Variants in CNTNAP5 observed in about 807,000 individuals in gnomAD.
The protein encoded by CNTNAP5 is contactin-associated protein-like 5.
Under a neutral mutation model 150.2 loss-of-function variants are expected in CNTNAP5, and 72 were observed. That is an observed-to-expected ratio of 0.48 (90% CI 0.40 to 0.58). The LOEUF is 0.58. CNTNAP5 is among the 20% of genes least tolerant of loss of function. The pLI is 0.00. For missense variants in CNTNAP5, 1,636 were observed against 1,626.2 expected, an observed-to-expected ratio of 1.01 and a Z score of -0.10; for synonymous variants, 672 against 619.8, an observed-to-expected ratio of 1.08 and a Z score of -1.25.
intron 6 of CNTNAP5, among the ~76,000 whole-genome samples, chr2:124,461,750 G>A (rs185125590): frequency 9.9e-5 from 15 of 151,508 alleles, no homozygotes; most frequent in Non-Finnish European, 1.5e-4. Flanking sequence ...CCAACTACTC[G>A]GGAGGCTGAG....
At chr2:124,428,009 C>T (rs1558897657) in intron 4 of CNTNAP5, among the ~76,000 whole-genome samples, 1 of 152,182 alleles carries the variant, frequency 6.6e-6, no homozygotes, top group African/African-American at 2.4e-5. Flanking sequence ...TTGGTGACCT[C>T]AATGCTGCTG....
chr2:124,677,912 A>G (rs1465683245), intron 13 of CNTNAP5, among the ~76,000 whole-genome samples: 1 of 151,960 alleles, frequency 6.6e-6, no homozygotes, highest in African/African-American at 2.4e-5. Context: ...AAGGTTTATT[A>G]AGGGAATAAA....
At chr2:124,682,425 C>T (rs1679089462) in intron 13 of CNTNAP5, among the ~76,000 whole-genome samples, 2 of 152,154 alleles carry the variant, frequency 1.3e-5, no homozygotes, top group African/African-American at 4.8e-5. Flanking sequence ...GTCAGGGCAA[C>T]ATGACTTTAA....
At chr2:124,462,726 G>A (rs1482851410) in intron 6 of CNTNAP5, among the ~76,000 whole-genome samples, 2 of 152,178 alleles carry the variant, frequency 1.3e-5, no homozygotes, top group African/African-American at 2.4e-5. Flanking sequence ...TTGTAAGCCT[G>A]AGGCAAGAGT....
intron 13 of CNTNAP5, among the ~76,000 whole-genome samples, chr2:124,665,902 A>C (rs1678691511): frequency 6.8e-6 from 1 of 148,064 alleles, no homozygotes; most frequent in African/African-American, 2.5e-5. Context: ...AAAAAAAATT[A>C]TACATATTTA....
intron 13 of CNTNAP5, among the ~76,000 whole-genome samples, chr2:124,677,545 G>C (rs1211535595): frequency 6.6e-6 from 1 of 152,156 alleles, no homozygotes; most frequent in Non-Finnish European, 1.5e-5. Context: ...GTACTGATTG[G>C]TGTGTTTACA....
At position 124,504,509 on chromosome 2, in the gene CNTNAP5, G is replaced by C. The variant is rs775578771; in HGVS notation, c.1280G>C (p.Arg427Thr). The C allele has an allele frequency of 5.0e-5, 81 of 1,613,714 alleles. No homozygotes were observed. Among genetic ancestry groups the C allele is most frequent in the Non-Finnish European group, 6.6e-5 (78 of 1,179,860 alleles). ...LLLSLEGGIL[R>T]LVIQKMTERV... Reference sequence around the variant, plus strand: ...CTGAGCCTGGAGGGTGGAATCCTGAGACTCGTGATTCAGAAAATGACAGAA... The same window carrying C: ...CTGAGCCTGGAGGGTGGAATCCTGACACTCGTGATTCAGAAAATGACAGAA... The change falls in exon 8 of 24, where the codon AGA becomes ACA. Residue 427 changes from arginine (R) to threonine (T), a missense_variant. Transcript: ENST00000682447.
chr2:124,214,471 C>T (rs11679566), intron 1 of CNTNAP5, among the ~76,000 whole-genome samples: 29,588 of 151,990 alleles, frequency 0.19, 3,061 homozygotes, highest in East Asian at 0.25. Context: ...GATGAATTTG[C>T]GATAATTACT....
At chr2:124,128,081 G>A (rs1019509073) in intron 1 of CNTNAP5, among the ~76,000 whole-genome samples, 1 of 152,144 alleles carries the variant, frequency 6.6e-6, no homozygotes, top group African/African-American at 2.4e-5. Flanking sequence ...AAACTAAAGA[G>A]CTTCTGCACA....
chr2:124,256,011 C>T (rs999754086), intron 3 of CNTNAP5, among the ~76,000 whole-genome samples: 1 of 152,058 alleles, frequency 6.6e-6, no homozygotes, highest in Non-Finnish European at 1.5e-5. Flanking sequence ...TAGAAAATAA[C>T]AGAAATGTCA....
At position 124,239,605 on chromosome 2, in the gene CNTNAP5, C is replaced by A. The variant is rs911607859; in HGVS notation, c.188-2595C>A. Among the ~76,000 whole-genome samples the A allele has an allele frequency of 5.9e-5, 9 of 152,092 alleles. No homozygotes were observed. The South Asian group carries it at 1.9e-3, about 32-fold the overall frequency. ...TGCAAAAATCAGAAGAGTATAAAAT[C>A]ACTCATACATTCACCACAGACAAAA... On this transcript the variant is annotated intron_variant, in intron 2 of 23. Transcript: ENST00000682447.
At chr2:124,766,205 T>C (rs939304080) in intron 16 of CNTNAP5, among the ~76,000 whole-genome samples, 1 of 152,110 alleles carries the variant, frequency 6.6e-6, no homozygotes, top group African/African-American at 2.4e-5. Flanking sequence ...ACCTTGCCCT[T>C]GTTATTACCA....
chr2:124,671,281 A>T (rs1678818488), intron 13 of CNTNAP5, among the ~76,000 whole-genome samples: 1 of 152,232 alleles, frequency 6.6e-6, no homozygotes, highest in Non-Finnish European at 1.5e-5. Context: ...TGATTTAAAA[A>T]TAAGTTTATT....
intron 3 of CNTNAP5, among the ~76,000 whole-genome samples, chr2:124,278,163 C>T (rs568435719): frequency 1.9e-3 from 283 of 152,076 alleles, no homozygotes; most frequent in Admixed American, 5.9e-3. Context: ...TGGAGTTGCA[C>T]AAAAAATCCA....
intron 3 of CNTNAP5, among the ~76,000 whole-genome samples, chr2:124,404,194 A>G (rs1271876412): frequency 6.6e-6 from 1 of 152,224 alleles, no homozygotes; most frequent in Non-Finnish European, 1.5e-5. Flanking sequence ...GACTTGCAAC[A>G]GAGTCTCCCT....
intron 10 of CNTNAP5, among the ~76,000 whole-genome samples, chr2:124,546,500 C>T (rs1443581859): frequency 2.0e-5 from 3 of 152,106 alleles, no homozygotes; most frequent in Non-Finnish European, 4.4e-5. Context: ...ACTACTCATT[C>T]ACATAAGGAG....
chr2:124,762,879 AT>A (rs1252655904), intron 14 of CNTNAP5, among the ~76,000 whole-genome samples: 7 of 152,216 alleles, frequency 4.6e-5, no homozygotes, highest in South Asian at 4.1e-4. Context: ...CAGCATAGGA[AT>A]TTTTTTGGGG....
At chr2:124,193,530 G>A (rs1328479335) in intron 1 of CNTNAP5, among the ~76,000 whole-genome samples, 2 of 152,116 alleles carry the variant, frequency 1.3e-5, no homozygotes, top group Non-Finnish European at 1.5e-5. Flanking sequence ...TAAGATTAAC[G>A]TAAAATGGAA....
chr2:124,125,045 C>G (rs1239638325), intron 1 of CNTNAP5, among the ~76,000 whole-genome samples: 1 of 152,148 alleles, frequency 6.6e-6, no homozygotes, highest in African/African-American at 2.4e-5. Context: ...ATAACGGGAT[C>G]AAATTCACAC....
Sources: allele counts gnomAD v4.1 joint callset (sites outside exome capture counted in the v4.1 genomes callset), GRCh38; gene constraint gnomAD v4.1.1; transcripts MANE v1.5; gene names NCBI Gene and HGNC (gene_info 2026-07-23, HGNC 2026-07-21).